The following KAT6A variants were observed in gnomAD, a reference collection of about 807,000 sequenced individuals.
KAT6A encodes the protein histone acetyltransferase KAT6A.
In KAT6A, 9 loss-of-function variants were observed where a neutral mutation model predicts 198.4. That is an observed-to-expected ratio of 0.05 (90% CI 0.03 to 0.08). KAT6A has a LOEUF of 0.08. Ranked by LOEUF, KAT6A falls within the 10% of genes least tolerant of loss-of-function variation. The probability of loss-of-function intolerance (pLI) is 1.00; values close to 1 mark genes in which losing one functional copy is unlikely to be tolerated. For missense variants in KAT6A, 2,077 were observed against 2,509.9 expected, an observed-to-expected ratio of 0.83 and a Z score of 3.69; for synonymous variants, 890 against 883.0, an observed-to-expected ratio of 1.01 and a Z score of -0.14.
chr8:41,972,486 T>G (rs2150883351), intron 8 of KAT6A, among the ~76,000 whole-genome samples: 1 of 152,326 alleles, frequency 6.6e-6, no homozygotes, highest in African/African-American at 2.4e-5. Flanking sequence ...GCACTTGTGA[T>G]GAGAACTTGG....
Position 41,987,511 on chromosome 8 carries a change from T to C in KAT6A, c.653A>G (p.Gln218Arg). 3 of 1,613,966 alleles carry C rather than the reference T, an allele frequency of 1.9e-6. No homozygotes were observed. The highest frequency in any genetic ancestry group is 1.7e-6 in the Non-Finnish European group (2 of 1,179,802). Residue 218 changes from glutamine to arginine, a missense_variant, in exon 3 of 17, where the codon CAA (glutamine) becomes CGA (arginine). By Grantham distance (43) the Gln-to-Arg change is conservative. This residue lies in a region of KAT6A where 185 missense variants were observed against 185.7 expected (regional missense o/e 1.00). Transcript: ENST00000265713. ...TTCCTCTGGCTTCTTTTCTCGGTTT[T>C]GTTCTTTTGTACCAAGACAGAAACT... ...ICSFCLGTKEQNREKKPEELI... is the reference protein window; with the variant it reads ...ICSFCLGTKERNREKKPEELI...
intron 2 of KAT6A, among the ~76,000 whole-genome samples, chr8:42,048,084 A>G (rs1467522403): frequency 6.6e-6 from 1 of 152,010 alleles, no homozygotes; most frequent in Non-Finnish European, 1.5e-5. Flanking sequence ...CAAAATAATA[A>G]AAAAAAATTT....
chr8:42,051,734 C>G (rs1452607853), intron 1 of KAT6A, among the ~76,000 whole-genome samples, 167 bp downstream of exon 1: 1 of 143,854 alleles, frequency 7.0e-6, no homozygotes, highest in Non-Finnish European at 1.5e-5. Context: ...GGGGCGGCCA[C>G]GGCGCCCCAG....
Position 41,932,199 on chromosome 8 carries a change from T to TC in KAT6A, c.*5dup. On this transcript the variant is annotated 3_prime_UTR_variant, in exon 17 of 17. Transcript: ENST00000265713. ...ATTTAAGTTTTTGATTGCAAGTTCATCTTGCTCATCTTCTCATGTAAGGTC... is the reference window on the plus strand; with the variant it reads ...ATTTAAGTTTTTGATTGCAAGTTCATCCTTGCTCATCTTCTCATGTAAGGTC... 1 of 1,545,378 alleles carries TC rather than the reference T, an allele frequency of 6.5e-7. No individual in the cohort carries two copies. The highest frequency in any genetic ancestry group is 8.7e-7 in the Non-Finnish European group (1 of 1,147,034).
In KAT6A at chr8:41,931,312, C is replaced by A. The variant is rs1233758548; in HGVS notation, c.*893G>T. On this transcript the variant is annotated 3_prime_UTR_variant, in exon 17 of 17. Coordinates refer to ENST00000265713, the MANE Select transcript of KAT6A (RefSeq NM_006766.5). ...GCTGATTCACCAGGTGGTAAAAAAA[C>A]AAGAGGTTAATCTCCTCTTTTTGAT... 1 of 218,550 alleles carries A rather than the reference C, an allele frequency of 4.6e-6. No homozygotes were observed. Among genetic ancestry groups the A allele is most frequent in the East Asian group, 6.7e-5 (1 of 14,858 alleles). The allele number at this position is 218,550 out of a possible 1,614,324, so 13.5% of individuals were successfully genotyped here.
intron 2 of KAT6A, among the ~76,000 whole-genome samples, chr8:42,034,965 C>G (rs549818270): frequency 6.6e-6 from 1 of 152,316 alleles, no homozygotes; most frequent in Non-Finnish European, 1.5e-5. Flanking sequence ...ATGGTCTGGT[C>G]TTTGCGCTTG....
At chr8:41,964,816 T>C (rs1823382243) in intron 8 of KAT6A, among the ~76,000 whole-genome samples, 1 of 152,164 alleles carries the variant, frequency 6.6e-6, no homozygotes, top group African/African-American at 2.4e-5. Flanking sequence ...AACGATGTAC[T>C]GTAATAACAG....
intron 9 of KAT6A, among the ~76,000 whole-genome samples, chr8:41,954,605 C>T (rs1043365727): frequency 6.6e-6 from 1 of 152,122 alleles, no homozygotes; most frequent in Non-Finnish European, 1.5e-5. Context: ...TGAGCACTTA[C>T]CATTTTCTAA....
At chr8:42,008,499 A>C (rs1164416897) in intron 2 of KAT6A, among the ~76,000 whole-genome samples, 1 of 151,912 alleles carries the variant, frequency 6.6e-6, no homozygotes, top group Non-Finnish European at 1.5e-5. Flanking sequence ...CACCACACCC[A>C]GCTAAGTTTT....
chr8:42,008,840 G>A (rs1825872714), intron 2 of KAT6A, among the ~76,000 whole-genome samples: 1 of 152,044 alleles, frequency 6.6e-6, no homozygotes, highest in Admixed American at 6.6e-5. Flanking sequence ...ATAGCTACAT[G>A]CACCTAATGG....
At position 41,977,195 on chromosome 8, in the gene KAT6A, G is replaced by A. The variant is rs767795628; in HGVS notation, c.1176C>T (p.Phe392=). The A allele has an allele frequency of 6.2e-7, 1 of 1,614,180 alleles. No homozygotes were observed. Among genetic ancestry groups the A allele is most frequent in the Non-Finnish European group, 8.5e-7 (1 of 1,180,014 alleles). The change falls in exon 7 of 17, where the codon TTC becomes TTT. Residue 392 remains phenylalanine (F), a synonymous_variant. Transcript: ENST00000265713. ...GYLERIDGLD[F]CRDSNVSLKF... ...TCAAGGAGACATTGCTATCTCTGCA[G>A]AAGTCCAAGCCATCTATCCGCTCTA...
chr8:41,967,777 T>C (rs900524269), intron 8 of KAT6A, among the ~76,000 whole-genome samples: 5 of 152,060 alleles, frequency 3.3e-5, no homozygotes, highest in African/African-American at 9.6e-5. Flanking sequence ...GTGACAGAGA[T>C]ATAGATCAAT....
rs375671062 is a variant in KAT6A, at chr8:41,974,780, C to T, written c.1406G>A (p.Arg469Gln). 43 of 1,610,022 alleles carry T rather than the reference C, an allele frequency of 2.7e-5. No individual in the cohort carries two copies. Among genetic ancestry groups the T allele is most frequent in the Non-Finnish European group, 3.1e-5 (36 of 1,178,038 alleles). Residue 469 changes from arginine to glutamine, a missense_variant, in exon 8 of 17, where the codon CGA becomes CAA. Physicochemically the swap from Arg to Gln is conservative, Grantham distance 43. Transcript: ENST00000265713. ...GWDGKQENEE[R>Q]LFGSQEIMTE... ...CATGATTTCCTGGCTCCCAAAAAGT[C>T]GCTCCTCATTTTCTTGTTTGCCATC...
chr8:42,045,494 G>C (rs568224573), intron 2 of KAT6A, among the ~76,000 whole-genome samples: 6 of 151,106 alleles, frequency 4.0e-5, no homozygotes, highest in Non-Finnish European at 7.4e-5. Context: ...CCTGGGCAGC[G>C]GAGGCTGCAG....
intron 2 of KAT6A, among the ~76,000 whole-genome samples, chr8:42,044,402 A>G (rs1827811769): frequency 6.6e-6 from 1 of 151,918 alleles, no homozygotes; most frequent in Non-Finnish European, 1.5e-5. Context: ...GGCCTGGCCT[A>G]AAAACTTTTA....
intron 5 of KAT6A, 115 bp downstream of exon 5, chr8:41,980,731 T>A (rs564003588): frequency 3.2e-5 from 26 of 801,646 alleles, no homozygotes; most frequent in African/African-American, 3.0e-4. Context: ...TTCCTACTTA[T>A]ACAACCTCAA....
intron 2 of KAT6A, among the ~76,000 whole-genome samples, chr8:42,014,460 C>T (rs1826169956): frequency 6.6e-6 from 1 of 152,188 alleles, no homozygotes; most frequent in Non-Finnish European, 1.5e-5. Flanking sequence ...GTTAAATGAA[C>T]CACATTTTTG....
intron 2 of KAT6A, among the ~76,000 whole-genome samples, chr8:41,998,147 T>G (rs1825313555): frequency 1.3e-5 from 2 of 152,172 alleles, no homozygotes; most frequent in Admixed American, 1.3e-4. Flanking sequence ...AAGGTTGTAC[T>G]CACATTTTCA....
At chr8:42,037,191 T>G (rs564613302) in intron 2 of KAT6A, among the ~76,000 whole-genome samples, 1 of 152,338 alleles carries the variant, frequency 6.6e-6, no homozygotes, top group East Asian at 1.9e-4. Flanking sequence ...CAGGTAATGC[T>G]AAAGTGAATT....
Sources: gnomAD v4.1 joint callset for allele counts (sites outside exome capture counted in the v4.1 genomes callset) on GRCh38, gnomAD v4.1.1 for gene constraint, gnomAD v4.1.1 regional missense constraint, MANE v1.5 for transcripts, NCBI Gene and HGNC (gene_info 2026-07-23, HGNC 2026-07-21) for gene names.